The following PHACTR2 variants were observed in gnomAD, a reference collection of about 807,000 sequenced individuals.
The protein encoded by PHACTR2 is chromosome 6 open reading frame 56.
Under a neutral mutation model 76.0 loss-of-function variants are expected in PHACTR2, and 30 were observed. That is an observed-to-expected ratio of 0.39 (90% confidence interval 0.30 to 0.54). PHACTR2 has a LOEUF of 0.54. Ranked by LOEUF, PHACTR2 falls within the 20% of genes least tolerant of loss-of-function variation. The pLI is 0.61. For missense variants in PHACTR2, 696 were observed against 781.1 expected (o/e 0.89, Z 1.30); for synonymous variants, 292 against 292.5 (o/e 1.00, Z 0.02).
chr6:143,748,934 A>C (rs1224942079), intron 2 of PHACTR2, 51 bp from the exon 3 acceptor site: 1 of 943,176 alleles, frequency 1.1e-6, no homozygotes, highest in Non-Finnish European at 1.7e-6. Context: ...GTTTTTCATA[A>C]TTATCTTAAG....
intron 1 of PHACTR2, chr6:143,711,135 T>C (rs1778169139): frequency 2.2e-6 from 1 of 453,124 alleles, no homozygotes; most frequent in South Asian, 1.6e-5. Flanking sequence ...ATCACCGCTA[T>C]ACGTTCCCTC....
Position 143,679,301 on chromosome 6 carries a change from C to A in PHACTR2, c.46+1092C>A, listed in dbSNP as rs968103377. Among the ~76,000 whole-genome samples, 1 of 152,156 alleles carries A rather than the reference C, an allele frequency of 6.6e-6. No homozygotes were observed. The highest frequency in any genetic ancestry group is 1.5e-5 in the Non-Finnish European group (1 of 68,020). On this transcript the variant is annotated intron_variant, in intron 1 of 12. Transcript: ENST00000440869. This position sits in a 1 kb window ranked among gnomAD's most constrained non-coding sequence, Gnocchi z 4.6. ...AGCTTTGCTGAGGTTTCTGTTAATA[C>A]CACAGAAGACCCTTCTGCAAAGAAG...
chr6:143,563,330 C>T (rs1171427192), intron 1 of PHACTR2, among the ~76,000 whole-genome samples: 3 of 151,964 alleles, frequency 2.0e-5, no homozygotes, highest in South Asian at 4.2e-4. Context: ...TTTGAGAGGC[C>T]GAGGTGGGTG....
rs1370238322 is a variant in PHACTR2 at position 143,656,738 on chromosome 6, AG to A, written c.13+48417del. 6.6e-6 allele frequency among the ~76,000 whole-genome samples: 1 copy of A among 152,220 alleles called. No individual in the cohort carries two copies. Among genetic ancestry groups the A allele is most frequent in the African/African-American group, 2.4e-5 (1 of 41,448 alleles). On this transcript the variant is annotated intron_variant, in intron 1 of 11. Coordinates refer to the PHACTR2 transcript ENST00000305766. The surrounding 1 kb of genome is among the most constrained non-coding windows in gnomAD (Gnocchi z 5.3). ...CTCTGGAGTTATCACTGATTAGCAA[AG>A]CATTTTAATTAATAACTCAAACAGA... is the stretch of plus-strand genomic sequence containing the variant.
rs1031190530 is a variant in PHACTR2, at chr6:143,809,732, T to A, written c.1922+2599T>A. ...TATGTGTGTATATATATATATATAT[T>A]AAATATGTGTATGTACATGTATGCA... is the stretch of plus-strand genomic sequence containing the variant. On this transcript the variant is annotated intron_variant, in intron 12 of 12. Transcript: ENST00000440869. This position sits in a 1 kb window ranked among gnomAD's most constrained non-coding sequence, Gnocchi z 4.2. 1.5e-4 allele frequency among the ~76,000 whole-genome samples: 23 copies of A among 150,286 alleles called. No homozygotes were observed. The highest frequency in any genetic ancestry group is 2.7e-4 in the Non-Finnish European group (18 of 67,234).
rs767601114 is a variant in PHACTR2, at chr6:143,625,646, T to C, written c.13+17324T>C. On this transcript the variant is annotated intron_variant, in intron 1 of 11. Transcript: ENST00000305766. This position sits in a 1 kb window ranked among gnomAD's most constrained non-coding sequence, Gnocchi z 4.3. ...CTGATGAAGCTTATTAGTTCTTATT[T>C]TCTTTGTTTATCATAATTTTAGAAT... 1.3e-5 allele frequency among the ~76,000 whole-genome samples: 2 copies of C among 152,228 alleles called. No homozygotes were observed. Among genetic ancestry groups the C allele is most frequent in the Non-Finnish European group, 1.5e-5 (1 of 68,038 alleles).
rs1776778007 is a variant in PHACTR2 at position 143,652,389 on chromosome 6, G to C, written c.13+44067G>C. Among the ~76,000 whole-genome samples, 1 of 148,290 alleles carries C rather than the reference G, an allele frequency of 6.7e-6. No individual in the cohort carries two copies. The highest frequency in any genetic ancestry group is 1.5e-5 in the Non-Finnish European group (1 of 66,984). ...TCAGCTAGACAAAGGTACCTGCGCT[G>C]CTGTTTGTTTGTTTGTTTGTTTGTT... On this transcript the variant is annotated intron_variant, in intron 1 of 11. Transcript: ENST00000305766. This position sits in a 1 kb window ranked among gnomAD's most constrained non-coding sequence, Gnocchi z 4.5.
chr6:143,542,547 A>G (rs1339785715), intron 1 of PHACTR2, among the ~76,000 whole-genome samples: 3 of 152,046 alleles, frequency 2.0e-5, no homozygotes, highest in Non-Finnish European at 2.9e-5. Context: ...AGCAGGCTTG[A>G]GCTTCTGTTT....
Position 143,755,413 on chromosome 6 carries a change from A to C in PHACTR2, c.454+1501A>C. On this transcript the variant is annotated intron_variant, in intron 4 of 12. Transcript: ENST00000440869. The surrounding 1 kb of genome is among the most constrained non-coding windows in gnomAD (Gnocchi z 5.2). ...GCCATCTCTGGTGCCTGGTCCGTGCAGGGTATTCGTCACTGGACTGGCCAG... is the reference window on the plus strand; with the variant it reads ...GCCATCTCTGGTGCCTGGTCCGTGCCGGGTATTCGTCACTGGACTGGCCAG... 1 of 455,744 alleles carries C rather than the reference A, an allele frequency of 2.2e-6. No homozygotes were observed. Among genetic ancestry groups the C allele is most frequent in the Non-Finnish European group, 4.4e-6 (1 of 226,612 alleles). 28.2% of individuals were successfully genotyped at this position (455,744 alleles called of 1,614,324 possible).
At position 143,818,067 on chromosome 6, in the gene PHACTR2, T is replaced by G. The variant is rs1042459977; in HGVS notation, c.1923-5607T>G. Among the ~76,000 whole-genome samples the G allele has an allele frequency of 2.0e-5, 3 of 152,242 alleles. No individual in the cohort carries two copies. The highest frequency in any genetic ancestry group is 2.9e-5 in the Non-Finnish European group (2 of 68,048). On this transcript the variant is annotated intron_variant, in intron 12 of 12. Transcript: ENST00000440869. This position sits in a 1 kb window ranked among gnomAD's most constrained non-coding sequence, Gnocchi z 4.9. ...GCTAGTTTGATCATTACACATTTTATGCCATCAAAATATCACTCTGTACCC... is the reference window on the plus strand; with the variant it reads ...GCTAGTTTGATCATTACACATTTTAGGCCATCAAAATATCACTCTGTACCC...
At position 143,780,051 on chromosome 6, in the gene PHACTR2, A is replaced by C. The variant is rs999302512; in HGVS notation, c.1645+2668A>C. 1.3e-5 allele frequency among the ~76,000 whole-genome samples: 2 copies of C among 151,818 alleles called. No individual in the cohort carries two copies. The highest frequency in any genetic ancestry group is 4.8e-5 in the African/African-American group (2 of 41,354). ...TTTTGCTAATCAAGAAAGGTGATGT[A>C]TTTAGCTGAGAATGTAATTCTAGCC... On this transcript the variant is annotated intron_variant, in intron 9 of 12. Transcript: ENST00000440869. The surrounding 1 kb of genome is among the most constrained non-coding windows in gnomAD (Gnocchi z 4.4).
intron 1 of PHACTR2, among the ~76,000 whole-genome samples, chr6:143,636,767 T>G (rs993966784): frequency 2.0e-4 from 31 of 152,224 alleles, no homozygotes; most frequent in Non-Finnish European, 3.5e-4. Context: ...CATTATGAAG[T>G]TTGCTTCTTA....
rs1385143959 is a variant in PHACTR2, at chr6:143,738,149, C to T, written c.215-10836C>T. 1.3e-5 allele frequency among the ~76,000 whole-genome samples: 2 copies of T among 152,170 alleles called. No individual in the cohort carries two copies. The highest frequency in any genetic ancestry group is 1.9e-4 in the East Asian group (1 of 5,200). On this transcript the variant is annotated intron_variant, in intron 2 of 12. Coordinates refer to ENST00000440869, the MANE Select transcript of PHACTR2 (RefSeq NM_001100164.2). The surrounding 1 kb of genome is among the most constrained non-coding windows in gnomAD (Gnocchi z 4.0). ...ATTTTTGGCCAGGCGCTGTGGCCCA[C>T]GCCTGTAATCCTAGCACTTTGGGAG... is the stretch of plus-strand genomic sequence containing the variant.
intron 2 of PHACTR2, chr6:143,712,462 T>C (rs1778198518): frequency 6.4e-6 from 1 of 155,260 alleles, no homozygotes; most frequent in South Asian, 2.1e-4. Context: ...AGTGAAATAG[T>C]AGAAAATGAT....
rs190782711 is a variant in PHACTR2 at position 143,807,854 on chromosome 6, C to G, written c.1922+721C>G. Among the ~76,000 whole-genome samples, 50 of 152,284 alleles carry G rather than the reference C, an allele frequency of 3.3e-4. 1 individual carries two copies. In the East Asian group the frequency reaches 8.7e-3, roughly 26 times the overall value. On this transcript the variant is annotated intron_variant, in intron 12 of 12. Transcript: ENST00000440869. The surrounding 1 kb of genome is among the most constrained non-coding windows in gnomAD (Gnocchi z 5.5). ...AAGCTACAGCCATACATCCTGGTGC[C>G]ACTGTTCCTGCAGTCCCGGTGATGA...
rs1582687426 is a variant in PHACTR2, at chr6:143,591,247, T to C, written c.217+54040T>C. On this transcript the variant is annotated intron_variant, in intron 1 of 11. Transcript: ENST00000367584. This position sits in a 1 kb window ranked among gnomAD's most constrained non-coding sequence, Gnocchi z 6.4. ...TCCTGACTTTTGAATTTCAAAAGTG[T>C]AGGCCAGGCATAAGATAAAAGGTGG... Among the ~76,000 whole-genome samples, 1 of 152,148 alleles carries C rather than the reference T, an allele frequency of 6.6e-6. No homozygotes were observed.
chr6:143,555,854 A>G (rs1775165687), intron 1 of PHACTR2, among the ~76,000 whole-genome samples: 1 of 151,718 alleles, frequency 6.6e-6, no homozygotes, highest in Non-Finnish European at 1.5e-5. Flanking sequence ...TTATCACCTC[A>G]GGATGGTTTC....
intron 5 of PHACTR2, among the ~76,000 whole-genome samples, chr6:143,763,043 T>C (rs963622411): frequency 1.3e-5 from 2 of 152,284 alleles, no homozygotes; most frequent in Admixed American, 1.3e-4. Context: ...CAAACTAAAA[T>C]TAACTTTTCT....
intron 11 of PHACTR2, among the ~76,000 whole-genome samples, chr6:143,790,097 G>A (rs1301306350): frequency 6.6e-6 from 1 of 152,210 alleles, no homozygotes; most frequent in African/African-American, 2.4e-5. Context: ...TTGGTGGCCT[G>A]ATGGGTGGAA....
Sources: gnomAD v4.1 joint callset for allele counts (sites outside exome capture counted in the v4.1 genomes callset) on GRCh38, gnomAD v4.1.1 for gene constraint, Gnocchi (gnomAD v3.1) non-coding constraint, MANE v1.5 for transcripts, NCBI Gene and HGNC (gene_info 2026-07-23, HGNC 2026-07-21) for gene names.